PREPL: variants seen among roughly 807,000 people sequenced by gnomAD.
PREPL encodes prolyl endopeptidase like.
In PREPL, 77 loss-of-function variants were observed where a neutral mutation model predicts 70.6. The observed-to-expected ratio is 1.09, with a 90% CI of 0.91 to 1.32. The LOEUF is 1.32. Among genes scored for constraint, PREPL ranks in the 40% most tolerant of loss-of-function variants. The probability of loss-of-function intolerance (pLI) is 0.00; values close to 1 mark genes in which losing one functional copy is unlikely to be tolerated. For synonymous variants in PREPL, 315 were observed against 264.8 expected (o/e 1.19, Z -1.84); for missense variants, 1,002 against 778.2 (o/e 1.29, Z -3.42).
chr2:44,358,718 T>C (rs745773334), intron 1 of PREPL, among the ~76,000 whole-genome samples: 59 of 152,208 alleles, frequency 3.9e-4, no homozygotes, highest in Non-Finnish European at 7.9e-4. Context: ...GTCCTTAAGG[T>C]TGAGTTCACG....
At position 44,319,325 on chromosome 2, in the gene PREPL, G is replaced by C. The variant is rs1284367980; in HGVS notation, c.*2031C>G. ...AGAATAATTTGGCATTATGTATCAAGTGCCCATACTCTTTGACAAAGTAAC... is the reference window on the plus strand; with the variant it reads ...AGAATAATTTGGCATTATGTATCAACTGCCCATACTCTTTGACAAAGTAAC... On this transcript the variant is annotated 3_prime_UTR_variant, in exon 14 of 14. Coordinates refer to ENST00000409411, the MANE Select transcript of PREPL (RefSeq NM_001171613.2). The C allele has an allele frequency of 6.6e-6, 1 of 152,516 alleles. No homozygotes were observed. Among genetic ancestry groups the C allele is most frequent in the Non-Finnish European group, 1.5e-5 (1 of 68,018 alleles). The allele number at this position is 152,516 out of a possible 1,614,324, so 9.4% of individuals were successfully genotyped here.
chr2:44,344,576 CCAT>C lies in PREPL; in HGVS notation c.83_85del (p.His28_Gly29delinsArg). 2 of 1,600,770 alleles carry C rather than the reference CCAT, an allele frequency of 1.2e-6. No individual in the cohort carries two copies. The highest frequency in any genetic ancestry group is 8.5e-7 in the Non-Finnish European group (1 of 1,173,904). On this transcript the variant is annotated inframe_deletion, in exon 3 of 14. Transcript: ENST00000409411. ...ACCTTCTTGGTAATAAACAAAACCACCATGTTTAACCTGACAAAAGAAACATGC... is the reference window on the plus strand; with the variant it reads ...ACCTTCTTGGTAATAAACAAAACCACGTTTAACCTGACAAAAGAAACATGC...
rs752887453 is a variant in PREPL at position 44,343,888 on chromosome 2, A to T, written c.206T>A (p.Ile69Asn). Residue 69 changes from isoleucine (I) to asparagine (N), a missense_variant, in exon 4 of 14, where the codon ATT (isoleucine) becomes AAT (asparagine). Ile to Asn is a moderately radical substitution (Grantham distance 149). Coordinates refer to ENST00000409411, the MANE Select transcript of PREPL (RefSeq NM_001171613.2). ...LEELKLDQPF[I>N]DCIRVAPDEK... ...ATCTGGAGCAACTCTGATACAATCA[A>T]TGAAGGGCTGGTCTAACTTAAGTTC... 1 of 1,614,130 alleles carries T rather than the reference A, an allele frequency of 6.2e-7. No homozygotes were observed. Among genetic ancestry groups the T allele is most frequent in the Admixed American group, 1.7e-5 (1 of 60,008 alleles).
At chr2:44,326,959 G>GA (rs745369033) in intron 9 of PREPL, 31 bp from the exon 10 acceptor site, 200 of 1,575,394 alleles carry the variant, frequency 1.3e-4, no homozygotes, top group African/African-American at 2.0e-4. Context: ...AGTTTTAGTG[G>GA]AAAAAAAAAG....
Position 44,321,117 on chromosome 2 carries a change from T to A in PREPL, c.*239A>T. The A allele has an allele frequency of 2.1e-6, 1 of 479,198 alleles. No homozygotes were observed. The highest frequency in any genetic ancestry group is 3.8e-6 in the Non-Finnish European group (1 of 264,586). 29.7% of individuals were successfully genotyped at this position (479,198 alleles called of 1,614,324 possible). A position where few individuals can be genotyped will look rare whatever the true frequency, so the allele number is the denominator to read the frequency against. ...ATCCTTCCCTTCCCTCTACTCCACATCCTTCTAAGGAGCATGATTTGAAAA... is the reference window on the plus strand; with the variant it reads ...ATCCTTCCCTTCCCTCTACTCCACAACCTTCTAAGGAGCATGATTTGAAAA... On this transcript the variant is annotated 3_prime_UTR_variant, in exon 14 of 14. Coordinates refer to ENST00000409411, the MANE Select transcript of PREPL (RefSeq NM_001171613.2).
In PREPL at chr2:44,318,041, A is replaced by G. The variant is rs1024047571; in HGVS notation, c.*3315T>C. 1 of 420,152 alleles carries G rather than the reference A, an allele frequency of 2.4e-6. No individual in the cohort carries two copies. Among genetic ancestry groups the G allele is most frequent in the African/African-American group, 2.1e-5 (1 of 46,720 alleles). 26.0% of individuals were successfully genotyped at this position (420,152 alleles called of 1,614,324 possible). On this transcript the variant is annotated 3_prime_UTR_variant, in exon 14 of 14. Transcript: ENST00000409411. ...TTTTGACCTAATAATTCCATTCCTA[A>G]TACTTAGAAATATTTGCACATGTGC...
At chr2:44,346,218 C>A in intron 2 of PREPL, 50 bp downstream of exon 2, 1 of 1,518,418 alleles carries the variant, frequency 6.6e-7, no homozygotes, top group African/African-American at 1.4e-5. Flanking sequence ...TCATTTGCAT[C>A]TTGATTGGTA....
At chr2:44,352,180 T>A (rs1490966085) in intron 1 of PREPL, among the ~76,000 whole-genome samples, 1 of 152,208 alleles carries the variant, frequency 6.6e-6, no homozygotes, top group Non-Finnish European at 1.5e-5. Context: ...ACACTGCCTA[T>A]TCACATCTTC....
Position 44,338,468 on chromosome 2 carries a change from A to G in PREPL, c.771T>C (p.Asn257=), listed in dbSNP as rs1470975563. The change falls in exon 7 of 14, where the codon AAT becomes AAC. Residue 257 remains asparagine (N), a synonymous_variant. Transcript: ENST00000409411. ...NWDLFFTMKR[N]TKVIDLDMFK... ...ACATGTCCAAGTCTATCACTTTTGT[A>G]TTTCTCTTCATTGTAAAAAATAAAT... 1 of 1,612,730 alleles carries G rather than the reference A, an allele frequency of 6.2e-7. No individual in the cohort carries two copies. The highest frequency in any genetic ancestry group is 8.5e-7 in the Non-Finnish European group (1 of 1,179,448).
chr2:44,348,524 G>C (rs1005148445), intron 1 of PREPL, among the ~76,000 whole-genome samples: 1 of 152,156 alleles, frequency 6.6e-6, no homozygotes, highest in African/African-American at 2.4e-5. Flanking sequence ...AGGTCATGGA[G>C]CTGGGTTCTG....
intron 13 of PREPL, 43 bp from the exon 14 acceptor site, chr2:44,321,488 A>C: frequency 6.3e-7 from 1 of 1,591,006 alleles, no homozygotes; most frequent in Non-Finnish European, 8.6e-7. Context: ...AGGCCTTTGT[A>C]GTAAAATGCC....
intron 8 of PREPL, 62 bp downstream of exon 8, chr2:44,332,397 G>T: frequency 1.4e-6 from 2 of 1,401,388 alleles, no homozygotes; most frequent in Non-Finnish European, 2.0e-6. Flanking sequence ...CAACTGCATG[G>T]CATCTGGCAA....
intron 1 of PREPL, 22 bp downstream of exon 1, chr2:44,361,358 C>T (rs995842409): frequency 6.6e-6 from 1 of 152,338 alleles, no homozygotes; most frequent in Non-Finnish European, 1.5e-5. Flanking sequence ...AGGAAAGAGA[C>T]CAGCACACCC....
At chr2:44,327,195 A>C (rs1024174696) in intron 9 of PREPL, among the ~76,000 whole-genome samples, 1 of 152,228 alleles carries the variant, frequency 6.6e-6, no homozygotes, top group Non-Finnish European at 1.5e-5. Context: ...CAACGAATAT[A>C]TTTTGAGTGC....
At chr2:44,345,574 T>C (rs1472223862) in intron 2 of PREPL, among the ~76,000 whole-genome samples, 20 of 151,424 alleles carry the variant, frequency 1.3e-4, no homozygotes, top group Admixed American at 1.3e-3. Context: ...TCTTGAACTC[T>C]TGACCTCAGG....
rs186984350 is a variant in PREPL at position 44,334,915 on chromosome 2, C to A, written c.889-2259G>T. On this transcript the variant is annotated intron_variant, in intron 7 of 13. Coordinates refer to ENST00000409411, the MANE Select transcript of PREPL (RefSeq NM_001171613.2). ...AAGTGCCCACCAGGCAGAGATACTG[C>A]ATAAAGAAATATTTTATAATGCACT... Among the ~76,000 whole-genome samples the A allele has an allele frequency of 7.6e-4, 115 of 152,178 alleles. 1 individual carries two copies. The highest frequency in any genetic ancestry group is 7.5e-3 in the Admixed American group (114 of 15,280).
chr2:44,322,653 G>A, intron 12 of PREPL, 78 bp downstream of exon 12: 1 of 1,507,432 alleles, frequency 6.6e-7, no homozygotes, highest in Non-Finnish European at 8.9e-7. Flanking sequence ...GCTACAGCCT[G>A]AAATATATTC....
intron 13 of PREPL, 107 bp downstream of exon 13, chr2:44,321,720 C>T (rs766894499): frequency 5.3e-5 from 85 of 1,598,650 alleles, no homozygotes; most frequent in Non-Finnish European, 7.1e-5. Context: ...ATAGATAGGA[C>T]ATTTGTGAAG....
intron 8 of PREPL, among the ~76,000 whole-genome samples, chr2:44,330,611 A>C (rs1306222529): frequency 6.6e-6 from 1 of 152,188 alleles, no homozygotes; most frequent in African/African-American, 2.4e-5. Flanking sequence ...GTAATATAAA[A>C]ATATTAATAT....
Sources: allele counts gnomAD v4.1 joint callset (sites outside exome capture counted in the v4.1 genomes callset), GRCh38; gene constraint gnomAD v4.1.1; transcripts MANE v1.5; gene names NCBI Gene and HGNC (gene_info 2026-07-23, HGNC 2026-07-21).